UNC80: variants seen among roughly 807,000 people sequenced by gnomAD.
UNC80 encodes unc-80 subunit of NALCN channel complex, also known as protein unc-80 homolog.
Under a neutral mutation model 384.6 loss-of-function variants are expected in UNC80, and 164 were observed. The ratio of observed to expected loss-of-function variants is 0.43; its 90% CI spans 0.38 to 0.49. UNC80 has a LOEUF of 0.49. Among genes scored for constraint, UNC80 ranks in the 20% least tolerant of loss-of-function variants. The probability of loss-of-function intolerance (pLI) is 0.00; values close to 1 mark genes in which losing one functional copy is unlikely to be tolerated. For missense variants in UNC80, 3,330 were observed against 4,143.0 expected, an observed-to-expected ratio of 0.80 and a Z score of 5.39; for synonymous variants, 1,486 against 1,527.8, an observed-to-expected ratio of 0.97 and a Z score of 0.64.
At chr2:209,815,212 G>A (rs2079644374) in intron 8 of UNC80, 45 bp from the exon 9 acceptor site, 1 of 1,530,358 alleles carries the variant, frequency 6.5e-7, no homozygotes, top group Non-Finnish European at 8.8e-7. Context: ...AACAGTATTT[G>A]GATGTAAAGT....
chr2:209,794,083 T>C (rs1344238592), intron 7 of UNC80, among the ~76,000 whole-genome samples: 2 of 152,336 alleles, frequency 1.3e-5, no homozygotes, highest in African/African-American at 4.8e-5. Flanking sequence ...TCTGATTTAA[T>C]GAGATGTCTG....
At chr2:209,930,113 A>G (rs2090737558) in intron 37 of UNC80, 142 bp downstream of exon 37, 1 of 435,312 alleles carries the variant, frequency 2.3e-6, no homozygotes, top group Admixed American at 4.3e-5. Flanking sequence ...AAATAATGAT[A>G]ATGATGAGCA....
At chr2:209,776,139 C>G in intron 3 of UNC80, 94 bp downstream of exon 3, 2 of 1,490,132 alleles carry the variant, frequency 1.3e-6, no homozygotes, top group African/African-American at 1.4e-5. Flanking sequence ...TCTGTTTTCT[C>G]AAGCACTGTG....
rs2125033859 is a variant in UNC80, at chr2:209,993,420, C to G, written c.9502C>G (p.Pro3168Ala). The G allele has an allele frequency of 1.3e-6, 2 of 1,551,382 alleles. No homozygotes were observed. Among genetic ancestry groups the G allele is most frequent in the Non-Finnish European group, 8.7e-7 (1 of 1,146,784 alleles). The change falls in exon 63 of 65, where the codon CCG (proline) becomes GCG (alanine). Residue 3168 changes from proline to alanine, a missense_variant. By Grantham distance (27) the Pro-to-Ala change is conservative. This residue lies in a region of UNC80 where 236 missense variants were observed against 254.9 expected (regional missense o/e 0.93). Transcript: ENST00000673920. ...CAGGAGCATTCAACCTAAAACGAAGCCGTCTGGTGAGGCCTCCTGTGTCCC... is the reference window on the plus strand; with the variant it reads ...CAGGAGCATTCAACCTAAAACGAAGGCGTCTGGTGAGGCCTCCTGTGTCCC... ...TRRSIQPKTKPSADQKRSVTF... is the reference protein window; with the variant it reads ...TRRSIQPKTKASADQKRSVTF...
In UNC80 at chr2:209,830,446, C is replaced by T. The variant is rs554702335; in HGVS notation, c.2627-997C>T. 2.0e-5 allele frequency among the ~76,000 whole-genome samples: 3 copies of T among 152,238 alleles called. No individual in the cohort carries two copies. In the South Asian group the frequency reaches 6.2e-4, roughly 32 times the overall value. Reference sequence around the variant, plus strand: ...AACTATTTGAGATAGAAATTATAAGCATAGACTAACAGAAATCTTTCATCA... The same window carrying T: ...AACTATTTGAGATAGAAATTATAAGTATAGACTAACAGAAATCTTTCATCA... On this transcript the variant is annotated intron_variant, in intron 15 of 64. Coordinates refer to ENST00000673920, the MANE Select transcript of UNC80 (RefSeq NM_001371986.1).
intron 13 of UNC80, among the ~76,000 whole-genome samples, chr2:209,824,159 A>G (rs149705585): frequency 2.6e-5 from 4 of 152,282 alleles, no homozygotes; most frequent in African/African-American, 9.6e-5. Context: ...GAAATCCAAA[A>G]TACTTCTAGT....
Position 209,831,577 on chromosome 2 carries a change from A to G in UNC80, c.2761A>G (p.Ser921Gly). The change falls in exon 16 of 65, where the codon AGC becomes GGC. Residue 921 changes from serine (S) to glycine (G), a missense_variant. Ser to Gly is a moderately conservative substitution (Grantham distance 56). This residue lies in a region of UNC80 where 937 missense variants were observed against 1,026.8 expected (regional missense o/e 0.91). Transcript: ENST00000673920. ...CGCTTCAACCACACATGAATTGCAC[A>G]GCCCTGAGAATCTGGTGAGAAGCTC... is the stretch of plus-strand genomic sequence containing the variant. ...RCASTTHELHSPENLGLYCDI... is the reference protein window; with the variant it reads ...RCASTTHELHGPENLGLYCDI... The G allele has an allele frequency of 6.5e-7, 1 of 1,544,246 alleles. No homozygotes were observed. Among genetic ancestry groups the G allele is most frequent in the Non-Finnish European group, 8.7e-7 (1 of 1,143,812 alleles).
intron 14 of UNC80, 29 bp downstream of exon 14, chr2:209,826,082 C>T: frequency 1.3e-6 from 2 of 1,533,654 alleles, no homozygotes; most frequent in South Asian, 2.5e-5. Context: ...ATTCCATTTC[C>T]TCTCCCTCTT....
chr2:209,888,263 A>G lies in UNC80; in HGVS notation c.4276+3A>G. ...TGCAGGAGTCGAGGAGAAGAAAGGT[A>G]TGGAAACACAAAGGTTCCTTCATGT... On this transcript the variant is annotated splice_donor_region_variant and intron_variant, in intron 26 of 64. Transcript: ENST00000673920. The G allele has an allele frequency of 6.4e-7, 1 of 1,551,614 alleles. No homozygotes were observed. Among genetic ancestry groups the G allele is most frequent in the Non-Finnish European group, 8.7e-7 (1 of 1,146,924 alleles).
At position 209,817,132 on chromosome 2, in the gene UNC80, A is replaced by G. The variant is rs756290857; in HGVS notation, c.1552+7A>G. The stretch of plus-strand genomic sequence containing the variant: ...TGGCAAACCACCATTTTAGGTGACC[A>G]CAAGGCCTTCCAAAATAGGGCAGAG... On this transcript the variant is annotated splice_region_variant and intron_variant, in intron 10 of 64. Coordinates refer to ENST00000673920, the MANE Select transcript of UNC80 (RefSeq NM_001371986.1). The G allele has an allele frequency of 3.2e-6, 5 of 1,551,056 alleles. 1 individual carries two copies. The South Asian group carries it at 5.9e-5, about 18-fold the overall frequency.
chr2:209,972,310 G>C lies in UNC80; in HGVS notation c.8366G>C (p.Gly2789Ala), dbSNP rs1278801946. The C allele has an allele frequency of 6.4e-7, 1 of 1,551,438 alleles. No individual in the cohort carries two copies. Among genetic ancestry groups the C allele is most frequent in the Non-Finnish European group, 8.7e-7 (1 of 1,146,768 alleles). ...CTCATCCCATTTGTGCTCACAGTAGGATCTGGAAGCAAAGGTCTGATTAAT... is the reference window on the plus strand; with the variant it reads ...CTCATCCCATTTGTGCTCACAGTAGCATCTGGAAGCAAAGGTCTGATTAAT... The part of the protein sequence containing the change: ...NLLIPFVLTV[G>A]SGSKDSPWLE... The change falls in exon 55 of 65, where the codon GGA (glycine) becomes GCA (alanine). Residue 2789 changes from glycine (G) to alanine (A), a missense_variant. Transcript: ENST00000673920.
rs999245128 is a variant in UNC80 at position 209,809,598 on chromosome 2, T to A, written c.939-3982T>A. ...CTCGCTGACCCTAGAGGCTCCCTCT[T>A]CCTCTCCCTACCAGACACCCTGCCC... On this transcript the variant is annotated intron_variant, in intron 7 of 64. Transcript: ENST00000673920. The A allele has an allele frequency of 3.2e-5, 24 of 742,216 alleles. No homozygotes were observed. The South Asian group carries it at 4.2e-4, about 13-fold the overall frequency. 46.0% of individuals were successfully genotyped at this position (742,216 alleles called of 1,614,324 possible).
chr2:209,968,912 C>T (rs1364342496), intron 52 of UNC80: 1 of 152,168 alleles, frequency 6.6e-6, no homozygotes, highest in Non-Finnish European at 1.5e-5. Context: ...ATTAGGTGAT[C>T]TCAGTTCAAC....
chr2:209,815,915 A>G (rs970144811), intron 9 of UNC80, among the ~76,000 whole-genome samples: 3 of 152,134 alleles, frequency 2.0e-5, no homozygotes, highest in Admixed American at 6.5e-5. Context: ...CTTTTTTGTA[A>G]GTAATTGGAG....
At chr2:209,871,914 A>G (rs1294386200) in intron 22 of UNC80, among the ~76,000 whole-genome samples, 1 of 150,392 alleles carries the variant, frequency 6.6e-6, no homozygotes, top group Admixed American at 6.6e-5. Context: ...TTTATCAAAC[A>G]TTTTCAATTA....
At chr2:209,883,917 G>A (rs1288214466) in intron 25 of UNC80, among the ~76,000 whole-genome samples, 2 of 152,138 alleles carry the variant, frequency 1.3e-5, no homozygotes, top group South Asian at 2.1e-4. Context: ...TTAAGAAATG[G>A]CACTGAACAG....
intron 47 of UNC80, among the ~76,000 whole-genome samples, chr2:209,953,184 G>A (rs1005732569): frequency 9.9e-5 from 15 of 152,082 alleles, no homozygotes; most frequent in African/African-American, 3.6e-4. Flanking sequence ...TTGGGAGGCT[G>A]AGGCGGGAAG....
intron 22 of UNC80, among the ~76,000 whole-genome samples, chr2:209,861,035 CTTAT>C (rs978459828): frequency 2.6e-5 from 4 of 152,078 alleles, no homozygotes; most frequent in African/African-American, 9.7e-5. Flanking sequence ...TTTAATACCC[CTTAT>C]TTCTTTATTT....
At chr2:209,915,343 T>C (rs1019654368) in intron 31 of UNC80, among the ~76,000 whole-genome samples, 1 of 148,440 alleles carries the variant, frequency 6.7e-6, no homozygotes, top group Non-Finnish European at 1.5e-5. Flanking sequence ...AGGCGGAACT[T>C]GCAGTGAGCC....
Sources: gnomAD v4.1 joint callset for allele counts (sites outside exome capture counted in the v4.1 genomes callset) on GRCh38, gnomAD v4.1.1 for gene constraint, gnomAD v4.1.1 regional missense constraint, MANE v1.5 for transcripts, NCBI Gene and HGNC (gene_info 2026-07-23, HGNC 2026-07-21) for gene names.